Variants in OTOF observed in about 807,000 individuals in gnomAD.
OTOF encodes the protein otoferlin, also known as fer-1-like family member 2.
Under a neutral mutation model 236.8 loss-of-function variants are expected in OTOF, and 218 were observed. That is an observed-to-expected ratio of 0.92 (90% CI 0.82 to 1.03). OTOF has a LOEUF of 1.03. OTOF is among the 50% of genes least tolerant of loss of function. The pLI, the probability that OTOF is intolerant of heterozygous loss-of-function variation, is 0.00. For synonymous variants in OTOF, 1,041 were observed against 1,072.5 expected (o/e 0.97, Z 0.57); for missense variants, 2,590 against 2,694.4 (o/e 0.96, Z 0.86).
Position 26,467,511 on chromosome 2 carries a change from A to C in OTOF, c.4091-10T>G, listed in dbSNP as rs776425507. On this transcript the variant is annotated splice_polypyrimidine_tract_variant and intron_variant, in intron 33 of 46. Coordinates refer to ENST00000272371, the MANE Select transcript of OTOF (RefSeq NM_194248.3). ...ATTGACCCCTTCAGGCCTGGCCAGA[A>C]GCAGAAAAGGAGGTGGAGCAGAAAT... 3 of 1,613,334 alleles carry C rather than the reference A, an allele frequency of 1.9e-6. No homozygotes were observed. The South Asian group carries it at 3.3e-5, about 18-fold the overall frequency.
At chr2:26,512,736 G>C (rs1666421275) in intron 5 of OTOF, among the ~76,000 whole-genome samples, 1 of 152,194 alleles carries the variant, frequency 6.6e-6, no homozygotes, top group Non-Finnish European at 1.5e-5. Flanking sequence ...CTGAACAAGA[G>C]GGTCAGGTGC....
At chr2:26,543,727 ATTTTTTT>A (rs1006952117) in intron 1 of OTOF, among the ~76,000 whole-genome samples, 1 of 152,076 alleles carries the variant, frequency 6.6e-6, no homozygotes, top group Admixed American at 6.6e-5. Context: ...TTTTGAATTT[ATTTTTTT>A]GAGACGGAGT....
intron 12 of OTOF, among the ~76,000 whole-genome samples, 164 bp downstream of exon 12, chr2:26,484,310 C>G (rs1318771076): frequency 1.3e-5 from 2 of 152,232 alleles, no homozygotes; most frequent in Non-Finnish European, 2.9e-5. Flanking sequence ...TCCATCACCC[C>G]CTGCCCCTGC....
intron 1 of OTOF, among the ~76,000 whole-genome samples, chr2:26,546,921 T>C (rs1361674702): frequency 2.0e-5 from 3 of 152,232 alleles, no homozygotes; most frequent in Non-Finnish European, 4.4e-5. Flanking sequence ...TAGGATTTTC[T>C]ACATAACCAA....
At chr2:26,489,100 T>C (rs575611662) in intron 11 of OTOF, 111 bp downstream of exon 11, 38 of 779,792 alleles carry the variant, frequency 4.9e-5, no homozygotes, top group Non-Finnish European at 7.5e-5. Flanking sequence ...GTCGCCAGAC[T>C]GTGGTCCTTG....
At chr2:26,491,989 C>T (rs1665860567) in intron 9 of OTOF, among the ~76,000 whole-genome samples, 1 of 152,190 alleles carries the variant, frequency 6.6e-6, no homozygotes, top group African/African-American at 2.4e-5. Flanking sequence ...TTTAATGGAG[C>T]CAAAGGAAGG....
In OTOF at chr2:26,464,007, T is replaced by G. The variant is rs1412106365; in HGVS notation, c.5060A>C (p.Glu1687Ala). 3 of 1,613,746 alleles carry G rather than the reference T, an allele frequency of 1.9e-6. No homozygotes were observed. Among genetic ancestry groups the G allele is most frequent in the African/African-American group, 1.3e-5 (1 of 75,048 alleles). Reference sequence around the variant, plus strand: ...GTCGGGGTTGAGCAGCGGCCTCGTCTCCACATGCTCTGGCACCAGGCGGCA... The same window carrying G: ...GTCGGGGTTGAGCAGCGGCCTCGTCGCCACATGCTCTGGCACCAGGCGGCA... ...AGCRLVPEHV[E>A]TRPLLNPDKP... The change falls in exon 40 of 47, where the codon GAG becomes GCG. Residue 1687 changes from glutamate (E) to alanine (A), a missense_variant. By Grantham distance (107) the Glu-to-Ala change is moderately radical (BLOSUM62 -1). Transcript: ENST00000272371.
intron 1 of OTOF, among the ~76,000 whole-genome samples, chr2:26,538,834 A>ATTT (rs1553364766): frequency 1.7e-5 from 1 of 57,386 alleles, no homozygotes; most frequent in African/African-American, 3.8e-5. Flanking sequence ...TTTTTTTTTG[A>ATTT]GATGCAGTCT....
Position 26,537,749 on chromosome 2 carries a change from C to T in OTOF, c.105G>A (p.Leu35=). The change falls in exon 2 of 47, where the codon CTG becomes CTA. Residue 35 remains leucine, a synonymous_variant. Coordinates refer to ENST00000272371, the MANE Select transcript of OTOF (RefSeq NM_194248.3). ...AGTCAGCCACATCCTCACAGTTCTC[C>T]AGGACCCGAGAGTAGAAGGATTGCC... ...FRGQSFYSRV[L]ENCEDVADFD... 4 of 1,555,354 alleles carry T rather than the reference C, an allele frequency of 2.6e-6. No individual in the cohort carries two copies. The highest frequency in any genetic ancestry group is 1.2e-5 in the South Asian group (1 of 84,264).
intron 2 of OTOF, among the ~76,000 whole-genome samples, chr2:26,534,280 C>T (rs1667014890): frequency 6.6e-6 from 1 of 152,192 alleles, no homozygotes; most frequent in South Asian, 2.1e-4. Flanking sequence ...GGCCTCTCCC[C>T]TGGGGCCTGC....
rs1665233630 is a variant in OTOF, at chr2:26,475,900, T to G, written c.2991+14A>C. 6.3e-7 allele frequency: 1 copy of G among 1,595,462 alleles called. No individual in the cohort carries two copies. The highest frequency in any genetic ancestry group is 1.3e-5 in the African/African-American group (1 of 74,734). ...TCTCAAAGCCAGAGCCACTCCCTCC[T>G]CCCAGGCCCTCACCTCTGTGCACTG... On this transcript the variant is annotated intron_variant, in intron 24 of 46. Coordinates refer to ENST00000272371, the MANE Select transcript of OTOF (RefSeq NM_194248.3).
chr2:26,493,109 C>T (rs1352228867), intron 9 of OTOF, among the ~76,000 whole-genome samples: 1 of 152,114 alleles, frequency 6.6e-6, no homozygotes, highest in African/African-American at 2.4e-5. Flanking sequence ...TGTGTCCTAA[C>T]GTAAGGCCAG....
chr2:26,478,649 C>T (rs895012480), intron 18 of OTOF, among the ~76,000 whole-genome samples: 2 of 151,914 alleles, frequency 1.3e-5, no homozygotes, highest in Admixed American at 6.6e-5. Context: ...TCGCTTCTCC[C>T]TTTTCCCCAT....
chr2:26,530,747 C>T (rs1001202281), intron 2 of OTOF, among the ~76,000 whole-genome samples: 4 of 152,124 alleles, frequency 2.6e-5, no homozygotes, highest in African/African-American at 7.2e-5. Flanking sequence ...CTCTGTCTCC[C>T]TCTGTCTTTC....
At chr2:26,505,985 A>G (rs972039402) in intron 5 of OTOF, among the ~76,000 whole-genome samples, 1 of 152,238 alleles carries the variant, frequency 6.6e-6, no homozygotes, top group African/African-American at 2.4e-5. Context: ...CATAACATTG[A>G]ACAGATCAAT....
chr2:26,551,237 C>T (rs763335916), intron 1 of OTOF, among the ~76,000 whole-genome samples: 4 of 152,214 alleles, frequency 2.6e-5, no homozygotes, highest in Admixed American at 1.3e-4. Context: ...TGATCCCCCC[C>T]GCCTTGGCCT....
rs1383882207 is a variant in OTOF, at chr2:26,516,455, G to T, written c.472C>A (p.Pro158Thr). The T allele has an allele frequency of 6.2e-7, 1 of 1,613,964 alleles. No homozygotes were observed. The highest frequency in any genetic ancestry group is 8.5e-7 in the Non-Finnish European group (1 of 1,180,002). The stretch of plus-strand genomic sequence containing the variant: ...TTCTCTCCTGGGGGCCGGGAGCTGG[G>T]CCGGGAGCCTGGGAGCAGTCCATCC... ...ETDGLLPGSR[P>T]SSRPPGEKSF... The change falls in exon 5 of 47, where the codon CCC (proline) becomes ACC (threonine). Residue 158 changes from proline to threonine, a missense_variant. Transcript: ENST00000272371.
chr2:26,495,783 G>T (rs1202868256), intron 8 of OTOF, among the ~76,000 whole-genome samples: 2 of 152,194 alleles, frequency 1.3e-5, no homozygotes, highest in Non-Finnish European at 2.9e-5. Flanking sequence ...TTCTTCCCCA[G>T]CGTCGATGGC....
Position 26,467,229 on chromosome 2 carries a change from T to C in OTOF, c.4232A>G (p.Tyr1411Cys). The C allele has an allele frequency of 6.2e-7, 1 of 1,614,094 alleles. No homozygotes were observed. The highest frequency in any genetic ancestry group is 1.3e-5 in the African/African-American group (1 of 75,018). The change falls in exon 35 of 47, where the codon TAC becomes TGC. Residue 1411 changes from tyrosine to cysteine, a missense_variant. By Grantham distance (194) the Tyr-to-Cys change is radical (BLOSUM62 -2). Around this residue, in one of 2 missense-constraint regions of OTOF, gnomAD observed 1,211 missense variants for 1,352.8 expected, o/e 0.90. Transcript: ENST00000272371. ...KKPKIDELKVYPKELESEFDN... is the reference protein window; with the variant it reads ...KKPKIDELKVCPKELESEFDN... ...AAACTCGGACTCCAGCTCTTTGGGG[T>C]ATACCTGAGACAGACCAGGCTGTTA... is the stretch of plus-strand genomic sequence containing the variant.
Sources: allele counts gnomAD v4.1 joint callset (sites outside exome capture counted in the v4.1 genomes callset), GRCh38; gene constraint gnomAD v4.1.1; regional missense constraint gnomAD v4.1.1; transcripts MANE v1.5; gene names NCBI Gene and HGNC (gene_info 2026-07-23, HGNC 2026-07-21).